CNTN5: variants seen among roughly 807,000 people sequenced by gnomAD.
CNTN5 encodes the protein contactin-5.
A neutral mutation model predicts 129.1 loss-of-function variants in CNTN5; 77 were observed. The observed-to-expected ratio is 0.60, with a 90% CI of 0.50 to 0.72. The LOEUF is 0.72. CNTN5 is among the 30% of genes least tolerant of loss of function. CNTN5 has a pLI of 0.00. For synonymous variants in CNTN5, 509 were observed against 465.6 expected (o/e 1.09, Z -1.20); for missense variants, 1,478 against 1,328.8 (o/e 1.11, Z -1.75).
chr11:99,593,458 A>G (rs1453925878), intron 3 of CNTN5, among the ~76,000 whole-genome samples: 1 of 152,140 alleles, frequency 6.6e-6, no homozygotes, highest in African/African-American at 2.4e-5. Flanking sequence ...TTTCACTCCT[A>G]AACTACTTTT....
At chr11:99,424,052 C>T (rs1377337458) in intron 2 of CNTN5, among the ~76,000 whole-genome samples, 2 of 152,094 alleles carry the variant, frequency 1.3e-5, no homozygotes, top group African/African-American at 4.8e-5. Flanking sequence ...ACAGTAAGTA[C>T]TGTGTTTTTT....
chr11:99,971,988 G>A (rs1282810242), intron 8 of CNTN5, among the ~76,000 whole-genome samples: 3 of 148,960 alleles, frequency 2.0e-5, no homozygotes, highest in Admixed American at 6.7e-5. Flanking sequence ...GGTGGCTCAC[G>A]CCTGTAATCC....
At chr11:99,228,263 AG>A (rs1458476023) in intron 1 of CNTN5, among the ~76,000 whole-genome samples, 1 of 152,124 alleles carries the variant, frequency 6.6e-6, no homozygotes, top group Non-Finnish European at 1.5e-5. Flanking sequence ...TGATTTATGC[AG>A]GTAGAGAGTG....
chr11:99,995,843 T>A lies in CNTN5; in HGVS notation c.878-6191T>A, dbSNP rs569275508. Among the ~76,000 whole-genome samples, 5 of 152,272 alleles carry A rather than the reference T, an allele frequency of 3.3e-5. No individual in the cohort carries two copies. The East Asian group carries it at 9.6e-4, about 29-fold the overall frequency. ...CACTAGCACCAAAATCCACCAGGCCTCAGCTATTGCATTGTTTTCTAATAG... is the reference window on the plus strand; with the variant it reads ...CACTAGCACCAAAATCCACCAGGCCACAGCTATTGCATTGTTTTCTAATAG... On this transcript the variant is annotated intron_variant, in intron 8 of 24. Coordinates refer to ENST00000524871, the MANE Select transcript of CNTN5 (RefSeq NM_014361.4).
At chr11:99,934,935 TATATATATATATACAC>T (rs1429505769) in intron 7 of CNTN5, among the ~76,000 whole-genome samples, 3 of 79,882 alleles carry the variant, frequency 3.8e-5, no homozygotes, top group Admixed American at 1.3e-4. Flanking sequence ...TATATATATA[TATATATATATATACAC>T]ACACATATAT....
chr11:100,332,578 A>C (rs952621471), intron 21 of CNTN5, among the ~76,000 whole-genome samples: 1 of 151,812 alleles, frequency 6.6e-6, no homozygotes, highest in African/African-American at 2.4e-5. Flanking sequence ...TAGATGCAAA[A>C]ATCCTTATGT....
chr11:100,115,317 AGTAAG>A (rs1200670456), intron 13 of CNTN5, among the ~76,000 whole-genome samples: 1 of 152,070 alleles, frequency 6.6e-6, no homozygotes, highest in Non-Finnish European at 1.5e-5. Context: ...CTAATTAAGG[AGTAAG>A]ATATTATTTG....
intron 20 of CNTN5, among the ~76,000 whole-genome samples, chr11:100,302,343 T>C (rs1720416287): frequency 6.6e-6 from 1 of 151,600 alleles, no homozygotes; most frequent in Non-Finnish European, 1.5e-5. Flanking sequence ...AGTGTGTCTT[T>C]TATCATTATA....
intron 6 of CNTN5, among the ~76,000 whole-genome samples, chr11:99,872,762 C>T (rs1375223018): frequency 6.6e-6 from 1 of 152,052 alleles, no homozygotes; most frequent in African/African-American, 2.4e-5. Flanking sequence ...TAACATGTAC[C>T]AGTTTCTCAA....
intron 1 of CNTN5, among the ~76,000 whole-genome samples, chr11:99,175,493 G>A (rs1214337030): frequency 6.6e-6 from 1 of 152,104 alleles, no homozygotes; most frequent in African/African-American, 2.4e-5. Context: ...TAGAAGTGAT[G>A]AAGAGATAGT....
At chr11:100,129,801 T>G (rs926718224) in intron 13 of CNTN5, among the ~76,000 whole-genome samples, 1 of 151,930 alleles carries the variant, frequency 6.6e-6, no homozygotes, top group Non-Finnish European at 1.5e-5. Flanking sequence ...ACAATTAGTA[T>G]GTAAAAACGA....
chr11:99,147,239 G>A (rs1056620910), intron 1 of CNTN5, among the ~76,000 whole-genome samples: 3 of 152,106 alleles, frequency 2.0e-5, no homozygotes, highest in African/African-American at 7.2e-5. Flanking sequence ...TAAGTATGAT[G>A]ATTAAGGTGA....
intron 21 of CNTN5, among the ~76,000 whole-genome samples, chr11:100,331,718 C>A (rs1052823440): frequency 1.3e-5 from 2 of 152,072 alleles, no homozygotes; most frequent in East Asian, 1.9e-4. Context: ...AATCAAAAAA[C>A]CTGCTCCTGA....
intron 6 of CNTN5, among the ~76,000 whole-genome samples, chr11:99,866,255 G>C (rs1418160461): frequency 1.3e-5 from 2 of 152,102 alleles, no homozygotes; most frequent in African/African-American, 4.8e-5. Flanking sequence ...AGAGAATTTG[G>C]GGAATGACAC....
At chr11:99,867,302 A>G (rs1215988315) in intron 6 of CNTN5, among the ~76,000 whole-genome samples, 2 of 152,206 alleles carry the variant, frequency 1.3e-5, no homozygotes. Context: ...TTGAGTACCT[A>G]CTATGCGCCA....
At chr11:99,994,890 A>G (rs902593192) in intron 8 of CNTN5, among the ~76,000 whole-genome samples, 4 of 152,180 alleles carry the variant, frequency 2.6e-5, no homozygotes, top group Admixed American at 6.5e-5. Flanking sequence ...TAGAGACACC[A>G]TGGGGAAAAA....
At chr11:100,030,723 C>A (rs536015804) in intron 9 of CNTN5, among the ~76,000 whole-genome samples, 2 of 152,218 alleles carry the variant, frequency 1.3e-5, no homozygotes, top group East Asian at 3.9e-4. Flanking sequence ...TACTTAATGT[C>A]TTTTTCAGTT....
chr11:99,620,750 T>A (rs886856829), intron 3 of CNTN5, among the ~76,000 whole-genome samples: 6 of 151,592 alleles, frequency 4.0e-5, no homozygotes, highest in African/African-American at 1.5e-4. Context: ...TTTATAGTGG[T>A]TTTCATTTTG....
At chr11:99,695,938 C>A (rs922490014) in intron 3 of CNTN5, among the ~76,000 whole-genome samples, 1 of 151,978 alleles carries the variant, frequency 6.6e-6, no homozygotes, top group African/African-American at 2.4e-5. Context: ...TTAATACATA[C>A]AAAAGTTTTA....
Sources: allele counts gnomAD v4.1 joint callset (sites outside exome capture counted in the v4.1 genomes callset), GRCh38; gene constraint gnomAD v4.1.1; transcripts MANE v1.5; gene names NCBI Gene and HGNC (gene_info 2026-07-23, HGNC 2026-07-21).